The following MYO7A variants were observed in gnomAD, a reference collection of about 807,000 sequenced individuals.
MYO7A encodes the protein unconventional myosin-VIIa.
In MYO7A, 210 loss-of-function variants were observed where a neutral mutation model predicts 263.8. That is an observed-to-expected ratio of 0.80 (90% CI 0.71 to 0.89). The LOEUF (loss-of-function observed/expected upper bound fraction) is 0.89, where lower values mean the gene tolerates loss of function less well. Among genes scored for constraint, MYO7A ranks in the 40% least tolerant of loss-of-function variants. MYO7A has a pLI of 0.00. For synonymous variants in MYO7A, 1,239 were observed against 1,197.3 expected, an observed-to-expected ratio of 1.03 and a Z score of -0.72; for missense variants, 2,820 against 2,968.3, an observed-to-expected ratio of 0.95 and a Z score of 1.16.
In MYO7A at chr11:77,160,270, C is replaced by T. The variant is rs781935045; in HGVS notation, c.1188C>T (p.Asp396=). 1.2e-5 allele frequency: 18 copies of T among 1,564,776 alleles called. No individual in the cohort carries two copies. Among genetic ancestry groups the T allele is most frequent in the African/African-American group, 6.8e-5 (5 of 73,594 alleles). Residue 396 remains aspartate (D), a synonymous_variant, in exon 11 of 49, where the codon GAC becomes GAT. Coordinates refer to ENST00000409709, the MANE Select transcript of MYO7A (RefSeq NM_000260.4). ...LSREQALDVR[D]AFVKGIYGRL... The stretch of plus-strand genomic sequence containing the variant: ...GGGAACAGGCACTGGACGTGCGCGA[C>T]GCCTTCGTAAAGGTGGGCTGGAGGG...
intron 4 of MYO7A, 126 bp from the exon 5 acceptor site, chr11:77,155,781 C>A: frequency 9.3e-7 from 1 of 1,070,826 alleles, no homozygotes; most frequent in Non-Finnish European, 1.3e-6. Flanking sequence ...TCCAGGTCCA[C>A]CCACATGACT....
At chr11:77,163,035 C>A (rs1555070363) in intron 14 of MYO7A, 47 bp downstream of exon 14, 1 of 1,602,352 alleles carries the variant, frequency 6.2e-7, no homozygotes, top group Non-Finnish European at 8.5e-7. Flanking sequence ...CGTGGCCCTG[C>A]CTTCCCCTGC....
chr11:77,193,677 T>A (rs1015664300), intron 31 of MYO7A, among the ~76,000 whole-genome samples: 1 of 152,104 alleles, frequency 6.6e-6, no homozygotes, highest in Non-Finnish European at 1.5e-5. Context: ...TTCAAACTGG[T>A]TGGAAAATAT....
chr11:77,202,001 C>T (rs1410314131), intron 36 of MYO7A, among the ~76,000 whole-genome samples: 1 of 152,160 alleles, frequency 6.6e-6, no homozygotes, highest in Non-Finnish European at 1.5e-5. Flanking sequence ...CCTAGTGGCT[C>T]CTGAGCCAGG....
In MYO7A at chr11:77,211,282, G is replaced by A. The variant is rs202175478; in HGVS notation, c.6182G>A (p.Arg2061Gln). 82 of 1,581,234 alleles carry A rather than the reference G, an allele frequency of 5.2e-5. No homozygotes were observed. The highest frequency in any genetic ancestry group is 1.6e-4 in the South Asian group (14 of 85,992). ...TTCCCCAGCATCCCCAAGCTGCTGCGGGAGCTGGTGCCCCAGGACCTTATC... is the reference window on the plus strand; with the variant it reads ...TTCCCCAGCATCCCCAAGCTGCTGCAGGAGCTGGTGCCCCAGGACCTTATC... ...SYFPSIPKLL[R>Q]ELVPQDLIRQ... The change falls in exon 45 of 49, where the codon CGG (arginine) becomes CAG (glutamine). Residue 2061 changes from arginine to glutamine, a missense_variant. By Grantham distance (43) the Arg-to-Gln change is conservative. Transcript: ENST00000409709.
chr11:77,178,923 C>T (rs1384885884), intron 19 of MYO7A, 122 bp from the exon 20 acceptor site: 2 of 733,572 alleles, frequency 2.7e-6, no homozygotes, highest in Non-Finnish European at 2.4e-6. Flanking sequence ...ATGTGCCTTG[C>T]CCAAGGTCAT....
At chr11:77,195,530 G>C (rs1317495207) in intron 32 of MYO7A, among the ~76,000 whole-genome samples, 2 of 152,252 alleles carry the variant, frequency 1.3e-5, no homozygotes, top group South Asian at 2.1e-4. Flanking sequence ...CATATGGTAC[G>C]TCCTGGGTGG....
chr11:77,208,721 A>C lies in MYO7A; in HGVS notation c.5969A>C (p.Gln1990Pro). Reference sequence around the variant, plus strand: ...GGAATTGTGCCCTCACTCACCTACCAGGTGTTCTTCATGAAGAAGCTGTGG... The same window carrying C: ...GGAATTGTGCCCTCACTCACCTACCCGGTGTTCTTCATGAAGAAGCTGTGG... Reference protein sequence around the residue: ...KDGIVPSLTYQVFFMKKLWTT... With the variant: ...KDGIVPSLTYPVFFMKKLWTT... Residue 1990 changes from glutamine (Q) to proline (P), a missense_variant, in exon 44 of 49, where the codon CAG becomes CCG. Coordinates refer to ENST00000409709, the MANE Select transcript of MYO7A (RefSeq NM_000260.4). 6.3e-7 allele frequency: 1 copy of C among 1,587,178 alleles called. No homozygotes were observed. The highest frequency in any genetic ancestry group is 8.6e-7 in the Non-Finnish European group (1 of 1,166,464).
At chr11:77,129,286 C>G (rs970694238) in intron 1 of MYO7A, among the ~76,000 whole-genome samples, 1 of 152,210 alleles carries the variant, frequency 6.6e-6, no homozygotes, top group African/African-American at 2.4e-5. Context: ...CACCAGGCAT[C>G]CAGACTAGTT....
chr11:77,135,261 T>C (rs1950876577), intron 2 of MYO7A, among the ~76,000 whole-genome samples: 1 of 152,224 alleles, frequency 6.6e-6, no homozygotes, highest in African/African-American at 2.4e-5. Flanking sequence ...ACCATTCTGC[T>C]TTCTGGTTTT....
intron 15 of MYO7A, among the ~76,000 whole-genome samples, chr11:77,168,534 C>T (rs1953778126): frequency 1.3e-5 from 2 of 152,206 alleles, no homozygotes; most frequent in Middle Eastern, 3.4e-3. Flanking sequence ...GTGGCTCACA[C>T]CTATGATCCC....
chr11:77,146,996 C>T (rs1194497160), intron 3 of MYO7A, among the ~76,000 whole-genome samples: 2 of 152,118 alleles, frequency 1.3e-5, no homozygotes, highest in Non-Finnish European at 2.9e-5. Context: ...GTAAGGAGAG[C>T]TGGGCAGGCA....
intron 15 of MYO7A, among the ~76,000 whole-genome samples, chr11:77,167,360 G>T (rs546904293): frequency 6.6e-6 from 1 of 152,204 alleles, no homozygotes; most frequent in East Asian, 1.9e-4. Context: ...CTATGGCCAT[G>T]CCTTGACCAG....
In MYO7A at chr11:77,130,741, G is replaced by A. The variant is rs367703365; in HGVS notation, c.18+89G>A. 2.1e-4 allele frequency: 302 copies of A among 1,461,988 alleles called. No individual in the cohort carries two copies. The African/African-American group carries it at 3.7e-3, about 18-fold the overall frequency. 90.6% of individuals were successfully genotyped at this position (1,461,988 alleles called of 1,614,324 possible). On this transcript the variant is annotated intron_variant, in intron 2 of 48. Coordinates refer to ENST00000409709, the MANE Select transcript of MYO7A (RefSeq NM_000260.4). The stretch of plus-strand genomic sequence containing the variant: ...TTACCCGTGGGACACCCTCCCCAGG[G>A]TGTTCTCTTGGAAAATTCCTGCCTA...
At chr11:77,157,138 T>C in intron 7 of MYO7A, 134 bp downstream of exon 7, 1 of 1,431,154 alleles carries the variant, frequency 7.0e-7, no homozygotes, top group Non-Finnish European at 9.6e-7. Context: ...CCCTCTGTGC[T>C]GGAAATCCCA....
chr11:77,174,820 T>A lies in MYO7A; in HGVS notation c.2000T>A (p.Ile667Asn). 1 of 1,613,292 alleles carries A rather than the reference T, an allele frequency of 6.2e-7. No homozygotes were observed. The highest frequency in any genetic ancestry group is 8.5e-7 in the Non-Finnish European group (1 of 1,179,786). The change falls in exon 17 of 49, where the codon ATC becomes AAC. Residue 667 changes from isoleucine to asparagine, a missense_variant. Transcript: ENST00000409709. ...TCAGGAATGATGGAGACCATCCGAA[T>A]CCGCCGAGCTGGCTACCCCATCCGC... Reference protein sequence around the residue: ...RYSGMMETIRIRRAGYPIRYS... With the variant: ...RYSGMMETIRNRRAGYPIRYS...
chr11:77,209,143 T>C (rs1349757756), intron 44 of MYO7A: 3 of 248,220 alleles, frequency 1.2e-5, no homozygotes, highest in Admixed American at 4.9e-5. Flanking sequence ...TTTTCTAGCA[T>C]AGGCACCTGC....
rs111033228 is a variant in MYO7A, at chr11:77,162,903, C to T, written c.1605C>T (p.Asn535=). The T allele has an allele frequency of 4.8e-3, 7,703 of 1,613,776 alleles. 22 individuals are homozygous for T. The highest frequency in any genetic ancestry group is 6.1e-3 in the Non-Finnish European group (7,252 of 1,179,844). ...LHKLNSQHKL[N]ANYIPPKNNH... ...AGCTGAACTCCCAGCACAAGCTCAA[C>T]GCCAACTACATCCCCCCCAAGAACA... The change falls in exon 14 of 49, where the codon AAC becomes AAT. Residue 535 remains asparagine (N), a synonymous_variant. Coordinates refer to ENST00000409709, the MANE Select transcript of MYO7A (RefSeq NM_000260.4).
rs2135626444 is a variant in MYO7A, at chr11:77,142,736, T to C, written c.46T>C (p.Leu16=). 3 of 1,611,698 alleles carry C rather than the reference T, an allele frequency of 1.9e-6. No homozygotes were observed. The highest frequency in any genetic ancestry group is 2.2e-5 in the East Asian group (1 of 44,814). ...QGDHVWMDLR[L]GQEFDVPIGA... is the part of the protein sequence containing the mutation. The stretch of plus-strand genomic sequence containing the variant: ...GGACCATGTGTGGATGGACCTGAGA[T>C]TGGGGCAGGAGTTCGACGTGCCCAT... Residue 16 remains leucine, a synonymous_variant, in exon 3 of 49, where the codon TTG becomes CTG. Transcript: ENST00000409709.
Sources: allele counts gnomAD v4.1 joint callset (sites outside exome capture counted in the v4.1 genomes callset), GRCh38; gene constraint gnomAD v4.1.1; transcripts MANE v1.5; gene names NCBI Gene and HGNC (gene_info 2026-07-23, HGNC 2026-07-21).